The following ROBO2 variants were observed in gnomAD, a reference collection of about 807,000 sequenced individuals.
The protein encoded by ROBO2 is roundabout guidance receptor 2.
Under a neutral mutation model 160.8 loss-of-function variants are expected in ROBO2, and 53 were observed. The observed-to-expected ratio is 0.33, with a 90% CI of 0.26 to 0.41. The LOEUF is 0.41. Among genes scored for constraint, ROBO2 ranks in the 10% least tolerant of loss-of-function variants. The probability of loss-of-function intolerance (pLI) is 1.00; values close to 1 mark genes in which losing one functional copy is unlikely to be tolerated. For missense variants in ROBO2, 1,577 were observed against 1,722.4 expected (o/e 0.92, Z 1.49); for synonymous variants, 664 against 611.7 (o/e 1.09, Z -1.26).
intron 2 of ROBO2, among the ~76,000 whole-genome samples, chr3:77,243,023 A>G (rs2151382748): frequency 6.6e-6 from 1 of 151,576 alleles, no homozygotes; most frequent in South Asian, 2.1e-4. Flanking sequence ...GAGAGAGAAA[A>G]GACAGACAAT....
chr3:77,295,832 T>G (rs1161608765), intron 2 of ROBO2, among the ~76,000 whole-genome samples: 6 of 148,174 alleles, frequency 4.0e-5, no homozygotes. Context: ...TAAAGTAAAA[T>G]TGACGGGTAA....
intron 2 of ROBO2, among the ~76,000 whole-genome samples, chr3:76,305,434 T>G (rs2071293561): frequency 2.1e-5 from 3 of 140,734 alleles, no homozygotes; most frequent in Non-Finnish European, 3.0e-5. Context: ...AGAACAGCAT[T>G]TGTTCTGACT....
intron 2 of ROBO2, among the ~76,000 whole-genome samples, chr3:76,607,566 T>C (rs1426082115): frequency 6.6e-6 from 1 of 152,230 alleles, no homozygotes; most frequent in African/African-American, 2.4e-5. Context: ...TTCATAGATG[T>C]GCATTATTGC....
chr3:76,203,772 G>A (rs527729528), intron 2 of ROBO2, among the ~76,000 whole-genome samples: 78 of 148,178 alleles, frequency 5.3e-4, no homozygotes, highest in Non-Finnish European at 6.6e-4. Context: ...TCAGGCTAGC[G>A]GCTTCCCGGT....
At chr3:76,439,164 A>T (rs541287677) in intron 2 of ROBO2, among the ~76,000 whole-genome samples, 26 of 152,304 alleles carry the variant, frequency 1.7e-4, no homozygotes, top group African/African-American at 6.0e-4. Flanking sequence ...TATGTATTCA[A>T]TGCCAACTGC....
intron 2 of ROBO2, among the ~76,000 whole-genome samples, chr3:76,927,851 T>C (rs2077080582): frequency 6.6e-6 from 1 of 152,180 alleles, no homozygotes; most frequent in Non-Finnish European, 1.5e-5. Context: ...TTGTGAGTGA[T>C]GGTGAGAAAG....
chr3:76,359,956 C>A (rs551705502), intron 2 of ROBO2, among the ~76,000 whole-genome samples: 2 of 151,972 alleles, frequency 1.3e-5, no homozygotes, highest in African/African-American at 2.4e-5. Flanking sequence ...CAGTTTCAAG[C>A]AAGAACAAAG....
chr3:77,186,725 A>G (rs2081319204), intron 2 of ROBO2, among the ~76,000 whole-genome samples: 1 of 151,974 alleles, frequency 6.6e-6, no homozygotes, highest in Non-Finnish European at 1.5e-5. Context: ...TTTTGAGAGT[A>G]AGCAATGTGA....
At chr3:76,305,244 A>G (rs1221159325) in intron 2 of ROBO2, among the ~76,000 whole-genome samples, 1 of 151,798 alleles carries the variant, frequency 6.6e-6, no homozygotes, top group Non-Finnish European at 1.5e-5. Flanking sequence ...TAGAAAAATT[A>G]GCCAGGTGCA....
chr3:77,152,822 A>AT (rs554834828), intron 2 of ROBO2, among the ~76,000 whole-genome samples: 5 of 152,118 alleles, frequency 3.3e-5, no homozygotes, highest in African/African-American at 1.2e-4. Flanking sequence ...GCAAAGCTCA[A>AT]TTTTTTTAGT....
intron 2 of ROBO2, among the ~76,000 whole-genome samples, chr3:76,180,225 G>T (rs968818658): frequency 6.6e-6 from 1 of 152,088 alleles, no homozygotes; most frequent in Non-Finnish European, 1.5e-5. Context: ...CTCACCCAAG[G>T]CAATGATAAT....
chr3:76,750,526 A>G (rs2093966482), intron 2 of ROBO2, among the ~76,000 whole-genome samples: 1 of 152,170 alleles, frequency 6.6e-6, no homozygotes, highest in Non-Finnish European at 1.5e-5. Context: ...TGCAGATGAC[A>G]TGATTGTATA....
chr3:77,330,791 G>T (rs536792994), intron 2 of ROBO2, among the ~76,000 whole-genome samples: 1 of 152,138 alleles, frequency 6.6e-6, no homozygotes, highest in South Asian at 2.1e-4. Context: ...CTTATTTATC[G>T]TTGAGGTATA....
chr3:77,057,920 C>A (rs2065918739), intron 1 of ROBO2, among the ~76,000 whole-genome samples: 1 of 151,768 alleles, frequency 6.6e-6, no homozygotes, highest in Admixed American at 6.6e-5. Context: ...CATCAAACCA[C>A]CATGACACAT....
At chr3:77,374,634 T>C (rs2072370389) in intron 2 of ROBO2, among the ~76,000 whole-genome samples, 1 of 152,178 alleles carries the variant, frequency 6.6e-6, no homozygotes, top group East Asian at 1.9e-4. Context: ...AATGACTTGA[T>C]TCTTAATTTG....
chr3:77,040,286 A>G, exon 1 of ROBO2: 1 of 994,560 alleles, frequency 1.0e-6, no homozygotes, highest in Non-Finnish European at 1.2e-6. Context: ...ATATTAAAAA[A>G]TAACTCCGGA....
intron 2 of ROBO2, among the ~76,000 whole-genome samples, chr3:77,406,168 G>A (rs1358091626): frequency 6.6e-6 from 1 of 152,124 alleles, no homozygotes; most frequent in African/African-American, 2.4e-5. Context: ...AAGGGGAAGA[G>A]CTTCTTCAAA....
chr3:76,457,037 G>C lies in ROBO2; in HGVS notation c.109+519435G>C, dbSNP rs564481518. Among the ~76,000 whole-genome samples, 347 of 152,222 alleles carry C rather than the reference G, an allele frequency of 2.3e-3. 3 individuals are homozygous for C. Among genetic ancestry groups the C allele is most frequent in the African/African-American group, 7.9e-3 (329 of 41,544 alleles). On this transcript the variant is annotated intron_variant, in intron 2 of 26. Transcript: ENST00000487694. ...ACAATTCAAGATGAGATTTGGTGGA[G>C]ACACAGCCAAACCATATCATTCTGT... is the stretch of plus-strand genomic sequence containing the variant.
intron 2 of ROBO2, among the ~76,000 whole-genome samples, chr3:77,280,604 T>C (rs1388080800): frequency 6.6e-6 from 1 of 152,170 alleles, no homozygotes; most frequent in Non-Finnish European, 1.5e-5. Context: ...TTTTCCACAC[T>C]AGTTTGTCCA....
Sources: gnomAD v4.1 joint callset for allele counts (sites outside exome capture counted in the v4.1 genomes callset) on GRCh38, gnomAD v4.1.1 for gene constraint, MANE v1.5 for transcripts, NCBI Gene and HGNC (gene_info 2026-07-23, HGNC 2026-07-21) for gene names.